The following LDB2 variants were observed in gnomAD, a reference collection of about 807,000 sequenced individuals.
LDB2 encodes LIM domain-binding protein 2.
In LDB2, 12 loss-of-function variants were observed where a neutral mutation model predicts 44.3. The observed-to-expected ratio is 0.27, with a 90% CI of 0.17 to 0.44. LDB2 has a LOEUF of 0.44. LDB2 is among the 20% of genes least tolerant of loss of function. The probability of loss-of-function intolerance (pLI) is 1.00; values close to 1 mark genes in which losing one functional copy is unlikely to be tolerated. For missense variants in LDB2, 344 were observed against 473.5 expected, an observed-to-expected ratio of 0.73 and a Z score of 2.54; for synonymous variants, 164 against 174.8, an observed-to-expected ratio of 0.94 and a Z score of 0.49.
intron 2 of LDB2, among the ~76,000 whole-genome samples, chr4:16,616,489 T>G (rs531202486): frequency 6.6e-6 from 1 of 152,078 alleles, no homozygotes; most frequent in East Asian, 1.9e-4. Flanking sequence ...ATCAACTTGA[T>G]GTCCAGGTAG....
chr4:16,774,572 C>A (rs575861230), intron 1 of LDB2, among the ~76,000 whole-genome samples: 2 of 152,234 alleles, frequency 1.3e-5, no homozygotes, highest in Non-Finnish European at 2.9e-5. Flanking sequence ...TTATCTAAGT[C>A]AAGCCTTTGA....
chr4:16,575,868 C>T (rs1478984817), intron 5 of LDB2, among the ~76,000 whole-genome samples: 1 of 152,206 alleles, frequency 6.6e-6, no homozygotes, highest in Non-Finnish European at 1.5e-5. Context: ...TCCCAAGTAG[C>T]TGGGATTACA....
chr4:16,585,384 C>T (rs572360704), intron 5 of LDB2, among the ~76,000 whole-genome samples: 4 of 152,230 alleles, frequency 2.6e-5, no homozygotes, highest in Admixed American at 2.6e-4. Context: ...GGATTTGGCT[C>T]TGGGGAATCT....
In LDB2 at chr4:16,501,940, C is replaced by CTTTCT. The variant is rs1717625635; in HGVS notation, c.*698_*702dup. On this transcript the variant is annotated 3_prime_UTR_variant, in exon 8 of 8. Coordinates refer to ENST00000304523, the MANE Select transcript of LDB2 (RefSeq NM_001290.5). ...CATAAATTCTTAAGGGTCCAATTGTCTTTCTTTACTTAAAAATCTGCCCTG... is the reference window on the plus strand; with the variant it reads ...CATAAATTCTTAAGGGTCCAATTGTCTTTCTTTTCTTTACTTAAAAATCTGCCCTG... 1 of 152,556 alleles carries CTTTCT rather than the reference C, an allele frequency of 6.6e-6. No individual in the cohort carries two copies. Among genetic ancestry groups the CTTTCT allele is most frequent in the South Asian group, 2.1e-4 (1 of 4,822 alleles). 9.5% of individuals were successfully genotyped at this position (152,556 alleles called of 1,614,324 possible).
intron 1 of LDB2, among the ~76,000 whole-genome samples, chr4:16,783,386 C>G (rs1046693505): frequency 2.0e-5 from 3 of 152,266 alleles, no homozygotes; most frequent in African/African-American, 2.4e-5. Flanking sequence ...CATGTTCTCA[C>G]CAAGGCCCAA....
At chr4:16,824,695 C>T (rs1377259164) in intron 1 of LDB2, among the ~76,000 whole-genome samples, 1 of 152,246 alleles carries the variant, frequency 6.6e-6, no homozygotes, top group East Asian at 1.9e-4. Context: ...ACTCTCCTCA[C>T]TGGCAAAGTT....
At chr4:16,554,301 C>T (rs529533267) in intron 5 of LDB2, among the ~76,000 whole-genome samples, 8 of 152,242 alleles carry the variant, frequency 5.3e-5, no homozygotes, top group East Asian at 3.9e-4. Flanking sequence ...CCACCCGCCT[C>T]GGCCCCCCAA....
At chr4:16,657,464 C>A (rs1006449336) in intron 2 of LDB2, among the ~76,000 whole-genome samples, 1 of 152,168 alleles carries the variant, frequency 6.6e-6, no homozygotes, top group African/African-American at 2.4e-5. Flanking sequence ...TTGATCCTGC[C>A]TCCTTGTCAT....
At chr4:16,505,314 T>C (rs980194392) in intron 7 of LDB2, among the ~76,000 whole-genome samples, 22 of 152,060 alleles carry the variant, frequency 1.4e-4, no homozygotes, top group African/African-American at 3.1e-4. Context: ...ATATAAAATA[T>C]CCCTAGCTAG....
intron 2 of LDB2, among the ~76,000 whole-genome samples, chr4:16,606,239 C>T (rs1723902907): frequency 6.6e-6 from 1 of 152,122 alleles, no homozygotes; most frequent in Admixed American, 6.5e-5. Context: ...CATAAGAAGA[C>T]TCATTTGTTG....
At chr4:16,837,594 A>C (rs1785100570) in intron 1 of LDB2, among the ~76,000 whole-genome samples, 1 of 152,224 alleles carries the variant, frequency 6.6e-6, no homozygotes, top group South Asian at 2.1e-4. Flanking sequence ...CTCTGCATGA[A>C]AAAGCCTGGG....
At chr4:16,567,833 A>G (rs1434767242) in intron 5 of LDB2, among the ~76,000 whole-genome samples, 1 of 152,242 alleles carries the variant, frequency 6.6e-6, no homozygotes, top group African/African-American at 2.4e-5. Flanking sequence ...TTTGTGCTAT[A>G]TGAATAAATT....
intron 1 of LDB2, among the ~76,000 whole-genome samples, chr4:16,843,929 C>T (rs932440614): frequency 2.6e-5 from 4 of 151,842 alleles, no homozygotes; most frequent in African/African-American, 9.7e-5. Flanking sequence ...ATTTGTATTT[C>T]TTTAAAAACT....
chr4:16,773,206 C>G (rs1167492226), intron 1 of LDB2, among the ~76,000 whole-genome samples: 1 of 152,198 alleles, frequency 6.6e-6, no homozygotes, highest in Non-Finnish European at 1.5e-5. Flanking sequence ...ATGCTATAAG[C>G]CGTCAGTCCC....
intron 5 of LDB2, among the ~76,000 whole-genome samples, chr4:16,563,389 T>G (rs1258646127): frequency 6.7e-6 from 1 of 148,520 alleles, no homozygotes; most frequent in East Asian, 2.0e-4. Flanking sequence ...CAAACCATAG[T>G]ATTATCAAAA....
At chr4:16,657,120 T>C (rs1352654855) in intron 2 of LDB2, among the ~76,000 whole-genome samples, 3 of 152,126 alleles carry the variant, frequency 2.0e-5, no homozygotes, top group African/African-American at 7.2e-5. Flanking sequence ...AAGCGGACAA[T>C]ATAAAGAGAT....
At chr4:16,829,965 C>A (rs62298180) in intron 1 of LDB2, among the ~76,000 whole-genome samples, 36 of 151,790 alleles carry the variant, frequency 2.4e-4, no homozygotes, top group Admixed American at 2.2e-3. Context: ...ATTAGCTGGG[C>A]GTGGTGCCGT....
At chr4:16,897,014 T>C (rs1003607416) in intron 1 of LDB2, among the ~76,000 whole-genome samples, 2 of 152,176 alleles carry the variant, frequency 1.3e-5, no homozygotes, top group African/African-American at 2.4e-5. Context: ...TGTATTAACA[T>C]ATAAAGAAAA....
chr4:16,741,789 A>G (rs1211082335), intron 2 of LDB2, among the ~76,000 whole-genome samples: 1 of 152,224 alleles, frequency 6.6e-6, no homozygotes, highest in Non-Finnish European at 1.5e-5. Flanking sequence ...GTTTGCTCAA[A>G]GCACTTATCA....
Sources: allele counts gnomAD v4.1 joint callset (sites outside exome capture counted in the v4.1 genomes callset), GRCh38; gene constraint gnomAD v4.1.1; transcripts MANE v1.5; gene names NCBI Gene and HGNC (gene_info 2026-07-23, HGNC 2026-07-21).